Variants in NCAM2 observed in about 807,000 individuals in gnomAD.
NCAM2 encodes the protein neural cell adhesion molecule 2, also known as N-CAM-2.
Under a neutral mutation model 98.1 loss-of-function variants are expected in NCAM2, and 30 were observed. That is an observed-to-expected ratio of 0.31 (90% CI 0.23 to 0.41). The LOEUF (loss-of-function observed/expected upper bound fraction) is 0.41. Among genes scored for constraint, NCAM2 ranks in the 10% least tolerant of loss-of-function variants. The pLI is 1.00. For missense variants in NCAM2, 867 were observed against 1,005.8 expected (o/e 0.86, Z 1.87); for synonymous variants, 368 against 342.4 (o/e 1.07, Z -0.83).
At chr21:21,244,615 G>A (rs575364479) in intron 1 of NCAM2, among the ~76,000 whole-genome samples, 1 of 152,198 alleles carries the variant, frequency 6.6e-6, no homozygotes, top group South Asian at 2.1e-4. Context: ...TTGGGAGGCT[G>A]AGGCAGTTGG....
intron 1 of NCAM2, among the ~76,000 whole-genome samples, chr21:21,142,767 A>G (rs2067197164): frequency 6.6e-6 from 1 of 152,214 alleles, no homozygotes; most frequent in Admixed American, 6.5e-5. Context: ...GTTGTATATT[A>G]ACACACATCT....
intron 9 of NCAM2, among the ~76,000 whole-genome samples, chr21:21,404,936 T>C (rs1014021318): frequency 4.6e-5 from 7 of 151,674 alleles, no homozygotes; most frequent in African/African-American, 1.5e-4. Flanking sequence ...CTCTAAGGGT[T>C]TTTATTTTCA....
At chr21:21,502,745 T>C (rs552162939) in intron 15 of NCAM2, among the ~76,000 whole-genome samples, 3 of 152,090 alleles carry the variant, frequency 2.0e-5, no homozygotes, top group Non-Finnish European at 2.9e-5. Context: ...TTTCATATGC[T>C]TAACCTACTT....
chr21:21,509,574 A>G lies in NCAM2; in HGVS notation c.2282+519A>G, dbSNP rs930651091. Among the ~76,000 whole-genome samples, 3 of 152,186 alleles carry G rather than the reference A, an allele frequency of 2.0e-5. No individual in the cohort carries two copies. In the East Asian group the frequency reaches 5.8e-4, roughly 29 times the overall value. On this transcript the variant is annotated intron_variant, in intron 16 of 17. Transcript: ENST00000400546. ...ATACAATATTACAGATTCTGAATATACTATTCTAAAATTTGATCAAAAGTT... is the reference window on the plus strand; with the variant it reads ...ATACAATATTACAGATTCTGAATATGCTATTCTAAAATTTGATCAAAAGTT...
At chr21:21,345,119 T>C (rs1220857655) in intron 8 of NCAM2, among the ~76,000 whole-genome samples, 1 of 151,790 alleles carries the variant, frequency 6.6e-6, no homozygotes, top group Non-Finnish European at 1.5e-5. Flanking sequence ...ATACCCAAGG[T>C]TTTTCAAATA....
At chr21:21,270,544 T>A (rs1452807605) in intron 1 of NCAM2, among the ~76,000 whole-genome samples, 1 of 152,228 alleles carries the variant, frequency 6.6e-6, no homozygotes, top group Non-Finnish European at 1.5e-5. Context: ...AATTGCTAGG[T>A]ATTTCTATGC....
At chr21:21,244,844 TAAAAA>T (rs11410837) in intron 1 of NCAM2, among the ~76,000 whole-genome samples, 1 of 99,942 alleles carries the variant, frequency 1.0e-5, no homozygotes, top group African/African-American at 4.0e-5. Flanking sequence ...AGACTCTGTC[TAAAAA>T]AAAAAAAAAA....
At chr21:21,237,299 A>G (rs2070870649) in intron 1 of NCAM2, among the ~76,000 whole-genome samples, 1 of 152,110 alleles carries the variant, frequency 6.6e-6, no homozygotes, top group Admixed American at 6.5e-5. Flanking sequence ...GTTCCATATC[A>G]TTACCTCTTC....
chr21:21,191,869 G>A (rs1569130048), intron 1 of NCAM2, among the ~76,000 whole-genome samples: 1 of 152,148 alleles, frequency 6.6e-6, no homozygotes, highest in Non-Finnish European at 1.5e-5. Context: ...TTGACTTGTT[G>A]ACATAGAGAA....
At chr21:21,512,424 C>T (rs967202060) in intron 16 of NCAM2, among the ~76,000 whole-genome samples, 1 of 151,902 alleles carries the variant, frequency 6.6e-6, no homozygotes, top group African/African-American at 2.4e-5. Flanking sequence ...TCTGGGTTCT[C>T]TACGCCATTT....
At chr21:21,265,494 AT>A (rs1568857613) in intron 1 of NCAM2, among the ~76,000 whole-genome samples, 9 of 142,642 alleles carry the variant, frequency 6.3e-5, no homozygotes, top group South Asian at 2.2e-4. Flanking sequence ...ATACACATAT[AT>A]AATATATGTG....
At chr21:21,396,261 A>G (rs2076504426) in intron 9 of NCAM2, among the ~76,000 whole-genome samples, 1 of 152,218 alleles carries the variant, frequency 6.6e-6, no homozygotes, top group African/African-American at 2.4e-5. Flanking sequence ...AAAATTCTCA[A>G]CATTACTAAT....
At chr21:21,081,433 T>C (rs1329411797) in intron 1 of NCAM2, among the ~76,000 whole-genome samples, 2 of 152,128 alleles carry the variant, frequency 1.3e-5, no homozygotes, top group Non-Finnish European at 2.9e-5. Context: ...CTGGTGTGTG[T>C]TGAGGTGGAA....
intron 1 of NCAM2, among the ~76,000 whole-genome samples, chr21:21,119,862 A>T (rs907731065): frequency 2.0e-5 from 3 of 152,236 alleles, no homozygotes; most frequent in African/African-American, 7.2e-5. Flanking sequence ...ATCTTGAAAC[A>T]TTAATAGATA....
chr21:21,206,645 A>G (rs1013290665), intron 1 of NCAM2, among the ~76,000 whole-genome samples: 2 of 152,122 alleles, frequency 1.3e-5, no homozygotes, highest in African/African-American at 2.4e-5. Flanking sequence ...GTGTTGTTAT[A>G]TGCTTCTGCG....
intron 6 of NCAM2, among the ~76,000 whole-genome samples, chr21:21,330,732 A>C (rs2074651600): frequency 6.6e-6 from 1 of 151,988 alleles, no homozygotes; most frequent in Admixed American, 6.6e-5. Context: ...CTAGTATTAT[A>C]TGTTTAAACA....
Position 21,033,677 on chromosome 21 carries a change from G to A in NCAM2, c.55+35059G>A, listed in dbSNP as rs113325357. Among the ~76,000 whole-genome samples the A allele has an allele frequency of 8.1e-4, 123 of 152,186 alleles. 2 individuals carry two copies. The highest frequency in any genetic ancestry group is 2.7e-3 in the African/African-American group (113 of 41,538). ...TGAAGCAAAGGGTGGCTTATTAAGC[G>A]GATTAAAATGTCTCAGATTATCTCA... On this transcript the variant is annotated intron_variant, in intron 1 of 17. Transcript: ENST00000400546.
chr21:21,216,794 A>G (rs1426979332), intron 1 of NCAM2, among the ~76,000 whole-genome samples: 2 of 152,196 alleles, frequency 1.3e-5, no homozygotes, highest in African/African-American at 4.8e-5. Context: ...GAAAATATGA[A>G]GAGAGTCTGC....
Position 21,287,446 on chromosome 21 carries a change from C to T in NCAM2, c.481+1034C>T, listed in dbSNP as rs572428902. On this transcript the variant is annotated intron_variant, in intron 4 of 17. Transcript: ENST00000400546. ...AATGAGAAATAACACTTTATTTCCT[C>T]TTGTTCTGTTTCAGCATAACTCTGT... Among the ~76,000 whole-genome samples the T allele has an allele frequency of 2.6e-5, 4 of 151,990 alleles. No individual in the cohort carries two copies. In the South Asian group the frequency reaches 8.3e-4, roughly 32 times the overall value.
Sources: gnomAD v4.1 joint callset for allele counts (sites outside exome capture counted in the v4.1 genomes callset) on GRCh38, gnomAD v4.1.1 for gene constraint, MANE v1.5 for transcripts, NCBI Gene and HGNC (gene_info 2026-07-23, HGNC 2026-07-21) for gene names.